The following CFAP92 variants were observed in gnomAD, a reference collection of about 807,000 sequenced individuals.
CFAP92 encodes the protein cilia and flagella associated protein 92 (putative).
A neutral mutation model predicts 106.3 loss-of-function variants in CFAP92; 86 were observed. The observed-to-expected ratio is 0.81, with a 90% CI of 0.68 to 0.97. The LOEUF (loss-of-function observed/expected upper bound fraction) is 0.97. Among genes scored for constraint, CFAP92 ranks in the 50% least tolerant of loss-of-function variants. CFAP92 has a pLI of 0.00. For missense variants in CFAP92, 1,204 were observed against 1,283.8 expected (o/e 0.94, Z 0.95); for synonymous variants, 477 against 506.4 (o/e 0.94, Z 0.78).
chr3:128,995,638 G>T (rs1179953284), upstream of CFAP92, among the ~76,000 whole-genome samples: 1 of 152,160 alleles, frequency 6.6e-6, no homozygotes, highest in East Asian at 1.9e-4. Context: ...CCCTCCAAAG[G>T]TTCCTAGATC....
At chr3:128,977,838 GA>G (rs1559922772) in intron 5 of CFAP92, among the ~76,000 whole-genome samples, 1 of 152,174 alleles carries the variant, frequency 6.6e-6, no homozygotes, top group Non-Finnish European at 1.5e-5. Flanking sequence ...CAGCCTGGGG[GA>G]CAAGAGCAGA....
intron 9 of CFAP92, among the ~76,000 whole-genome samples, chr3:128,957,935 A>G (rs563295959): frequency 1.3e-5 from 2 of 152,216 alleles, no homozygotes; most frequent in African/African-American, 2.4e-5. Flanking sequence ...GAAGGTGCTC[A>G]GGAAGGTCCT....
chr3:129,022,182 C>CA, the CFAP92 span, among the ~76,000 whole-genome samples: 1 of 152,196 alleles, frequency 6.6e-6, no homozygotes, highest in Non-Finnish European at 1.5e-5. Flanking sequence ...AGGAGCTCCA[C>CA]AAAGTTTAGA....
At chr3:128,951,779 C>T (rs1319414095) in intron 9 of CFAP92, among the ~76,000 whole-genome samples, 1 of 152,162 alleles carries the variant, frequency 6.6e-6, no homozygotes, top group East Asian at 1.9e-4. Flanking sequence ...TCATGCCCCA[C>T]CCCAGAAACA....
At chr3:128,912,450 TG>T in intron 15 of CFAP92, 1 of 1,516,160 alleles carries the variant, frequency 6.6e-7, no homozygotes, top group South Asian at 1.1e-5. Flanking sequence ...ACTTCAGCCA[TG>T]TTTGTCTTAT....
chr3:128,925,883 G>A (rs1241754035), intron 12 of CFAP92, among the ~76,000 whole-genome samples: 4 of 152,102 alleles, frequency 2.6e-5, no homozygotes, highest in Non-Finnish European at 5.9e-5. Context: ...AGAGGACAAC[G>A]GAATGATGTC....
chr3:128,912,825 A>G lies in CFAP92; in HGVS notation c.3280+2294T>C, dbSNP rs533720019. On this transcript the variant is annotated intron_variant, in intron 15 of 15. Coordinates refer to ENST00000645291, the MANE Select transcript of CFAP92 (RefSeq NM_001394090.1). Reference sequence around the variant, plus strand: ...CAGGACCATCACAGCTTCTGAACTGAGCCGGAGAGAGAGAATGGAATTGCT... The same window carrying G: ...CAGGACCATCACAGCTTCTGAACTGGGCCGGAGAGAGAGAATGGAATTGCT... 254 of 702,062 alleles carry G rather than the reference A, an allele frequency of 3.6e-4. No individual in the cohort carries two copies. The African/African-American group carries it at 3.7e-3, about 10-fold the overall frequency. 43.5% of individuals were successfully genotyped at this position (702,062 alleles called of 1,614,324 possible).
chr3:129,020,751 CT>C, the CFAP92 span, among the ~76,000 whole-genome samples: 2 of 152,194 alleles, frequency 1.3e-5, no homozygotes, highest in Non-Finnish European at 2.9e-5. Context: ...GCCAGATGCC[CT>C]TCTCAAAAGG....
chr3:128,966,066 G>A (rs1468115850), intron 8 of CFAP92, among the ~76,000 whole-genome samples: 2 of 152,200 alleles, frequency 1.3e-5, no homozygotes, highest in Non-Finnish European at 2.9e-5. Flanking sequence ...CACAATGGGA[G>A]GTTTAAAAGC....
intron 10 of CFAP92, among the ~76,000 whole-genome samples, chr3:128,937,382 G>A (rs1412459892): frequency 1.3e-4 from 19 of 151,830 alleles, no homozygotes; most frequent in Admixed American, 1.2e-3. Flanking sequence ...GGAGGCCGAG[G>A]TGGGCAGATC....
intron 2 of CFAP92, chr3:128,991,751 T>C (rs779822616): frequency 1.4e-5 from 14 of 1,016,246 alleles, no homozygotes; most frequent in Non-Finnish European, 1.5e-5. Context: ...TGTCTGTTGG[T>C]GCGCTCTCGG....
the CFAP92 span, among the ~76,000 whole-genome samples, chr3:129,025,268 C>T: frequency 6.6e-6 from 1 of 152,094 alleles, no homozygotes; most frequent in African/African-American, 2.4e-5. Context: ...CAGAGGGCAT[C>T]CCAGGGCTCA....
intron 12 of CFAP92, among the ~76,000 whole-genome samples, chr3:128,925,855 A>G (rs536349125): frequency 6.6e-6 from 1 of 152,318 alleles, no homozygotes; most frequent in Admixed American, 6.5e-5. Context: ...CAGCTGACCA[A>G]CAGAAACAAT....
At chr3:128,939,365 C>T (rs577652445) in intron 10 of CFAP92, among the ~76,000 whole-genome samples, 1 of 152,146 alleles carries the variant, frequency 6.6e-6, no homozygotes, top group African/African-American at 2.4e-5. Context: ...TCTCAAACTC[C>T]TGACCTTGGG....
chr3:128,928,059 T>C (rs936598995), intron 12 of CFAP92, among the ~76,000 whole-genome samples: 7 of 152,216 alleles, frequency 4.6e-5, no homozygotes, highest in Admixed American at 2.0e-4. Context: ...GACCCCATCC[T>C]GGCTAACATG....
intron 12 of CFAP92, among the ~76,000 whole-genome samples, chr3:128,931,378 C>G (rs1576422854): frequency 6.6e-6 from 1 of 152,102 alleles, no homozygotes; most frequent in East Asian, 1.9e-4. Flanking sequence ...GTTGCCCAGG[C>G]TGGTCTCGAA....
rs1384602511 is a variant in CFAP92 at position 128,910,423 on chromosome 3, C to T, written c.3281-90G>A. Reference sequence around the variant, plus strand: ...CAGACCCTGCACATTGCCCGCTGTGCTGGAGGGAGGCGGGTGCAGTCTCTG... The same window carrying T: ...CAGACCCTGCACATTGCCCGCTGTGTTGGAGGGAGGCGGGTGCAGTCTCTG... On this transcript the variant is annotated intron_variant, in intron 15 of 15. Coordinates refer to ENST00000645291, the MANE Select transcript of CFAP92 (RefSeq NM_001394090.1). The T allele has an allele frequency of 6.8e-6, 9 of 1,324,438 alleles. No individual in the cohort carries two copies. The African/African-American group carries it at 1.2e-4, about 17-fold the overall frequency. 82.0% of individuals were successfully genotyped at this position (1,324,438 alleles called of 1,614,324 possible). A position where few individuals can be genotyped will look rare whatever the true frequency, so the allele number is the denominator to read the frequency against.
chr3:128,950,168 G>A (rs1940641183), intron 9 of CFAP92, among the ~76,000 whole-genome samples: 1 of 152,202 alleles, frequency 6.6e-6, no homozygotes, highest in Admixed American at 6.5e-5. Context: ...ACTGCTTAGT[G>A]CAAATTCCCA....
chr3:129,025,915 G>T, the CFAP92 span, among the ~76,000 whole-genome samples: 2 of 152,218 alleles, frequency 1.3e-5, no homozygotes, highest in Non-Finnish European at 2.9e-5. Context: ...CGGCAGCTGG[G>T]CCGGGTCATT....
Sources: gnomAD v4.1 joint callset for allele counts (sites outside exome capture counted in the v4.1 genomes callset) on GRCh38, gnomAD v4.1.1 for gene constraint, MANE v1.5 for transcripts, NCBI Gene and HGNC (gene_info 2026-07-23, HGNC 2026-07-21) for gene names.